SLC25A21: variants seen among roughly 807,000 people sequenced by gnomAD.
SLC25A21 encodes mitochondrial 2-oxodicarboxylate carrier.
SLC25A21 carries 47 observed loss-of-function variants against 43.8 expected under a neutral mutation model. That is an observed-to-expected ratio of 1.07 (90% CI 0.85 to 1.37). The LOEUF is 1.37. Ranked by LOEUF, SLC25A21 falls within the 40% of genes most tolerant of loss-of-function variation. The pLI is 0.00. For missense variants in SLC25A21, 352 were observed against 350.2 expected (o/e 1.00, Z -0.04); for synonymous variants, 131 against 121.3 (o/e 1.08, Z -0.52).
chr14:36,729,683 A>G (rs1170066268), intron 4 of SLC25A21, 117 bp from the exon 5 acceptor site: 3 of 781,884 alleles, frequency 3.8e-6, no homozygotes, highest in Non-Finnish European at 6.1e-6. Flanking sequence ...AAAATGATAA[A>G]CTATCTAATA....
chr14:37,146,428 G>A (rs12879089), intron 1 of SLC25A21, among the ~76,000 whole-genome samples: 42,984 of 151,938 alleles, frequency 0.28, 6,349 homozygotes, highest in Non-Finnish European at 0.32. Context: ...TGTATTTTTA[G>A]TAGAAACAGA....
intron 1 of SLC25A21, among the ~76,000 whole-genome samples, chr14:36,971,317 C>T (rs781470226): frequency 2.0e-5 from 3 of 152,116 alleles, no homozygotes; most frequent in Non-Finnish European, 4.4e-5. Context: ...CAGGTGAATG[C>T]CAGCAGTTGT....
chr14:36,915,163 T>C (rs1891796849), intron 1 of SLC25A21, among the ~76,000 whole-genome samples: 1 of 152,160 alleles, frequency 6.6e-6, no homozygotes, highest in East Asian at 1.9e-4. Context: ...ACAGCGGTAC[T>C]ATTTTGTGTT....
chr14:36,972,749 G>C (rs1959780104), intron 1 of SLC25A21, among the ~76,000 whole-genome samples: 1 of 152,292 alleles, frequency 6.6e-6, no homozygotes, highest in South Asian at 2.1e-4. Context: ...GGAGTATATA[G>C]GGTATAGAGA....
Position 37,081,571 on chromosome 14 carries a change from G to A in SLC25A21, c.70+90710C>T, listed in dbSNP as rs1254831705. On this transcript the variant is annotated intron_variant, in intron 1 of 9. Transcript: ENST00000331299. ...TTCTGATTGGTTAATTTATAACTAA[G>A]GCCCACAAACAAAGAGGGAAATACT... Among the ~76,000 whole-genome samples the A allele has an allele frequency of 2.6e-5, 4 of 152,150 alleles. No individual in the cohort carries two copies. In the East Asian group the frequency reaches 7.7e-4, roughly 29 times the overall value.
chr14:36,760,619 CTGTTCTGAAACAAA>C (rs1315658364), intron 3 of SLC25A21, among the ~76,000 whole-genome samples: 2 of 152,224 alleles, frequency 1.3e-5, no homozygotes, highest in Non-Finnish European at 2.9e-5. Context: ...CAAGATTTTT[CTGTTCTGAAACAAA>C]TGGTTTAGTC....
Position 36,729,626 on chromosome 14 carries a change from T to A in SLC25A21, c.271-60A>T, listed in dbSNP as rs765725183. 866 of 1,364,570 alleles carry A rather than the reference T, an allele frequency of 6.3e-4. 3 individuals are homozygous for A. The highest frequency in any genetic ancestry group is 7.8e-4 in the Non-Finnish European group (770 of 983,136). The allele number at this position is 1,364,570 out of a possible 1,614,324, so 84.5% of individuals were successfully genotyped here. A position where few individuals can be genotyped will look rare whatever the true frequency, so the allele number is the denominator to read the frequency against. On this transcript the variant is annotated intron_variant, in intron 4 of 9. Coordinates refer to ENST00000331299, the MANE Select transcript of SLC25A21 (RefSeq NM_030631.4). ...AATTTTCCTGCAACAAACTCTTTAA[T>A]TGACTCAAATTTCTTTGGTAAATCA...
chr14:36,793,843 T>C (rs1303848741), intron 3 of SLC25A21, among the ~76,000 whole-genome samples: 1 of 151,976 alleles, frequency 6.6e-6, no homozygotes, highest in East Asian at 1.9e-4. Context: ...GGCTTGGTTC[T>C]TTTTATACAA....
chr14:37,072,036 G>A (rs1962183074), intron 1 of SLC25A21, among the ~76,000 whole-genome samples: 2 of 151,866 alleles, frequency 1.3e-5, no homozygotes, highest in Non-Finnish European at 2.9e-5. Flanking sequence ...ACAAAAATTA[G>A]CTGGGCATGG....
chr14:36,988,750 C>T (rs1960200081), intron 1 of SLC25A21, among the ~76,000 whole-genome samples: 1 of 152,106 alleles, frequency 6.6e-6, no homozygotes, highest in Non-Finnish European at 1.5e-5. Context: ...TGATTCATGG[C>T]CACAGTTTAC....
intron 1 of SLC25A21, among the ~76,000 whole-genome samples, chr14:37,066,800 A>G (rs1956422): frequency 0.48 from 73,253 of 152,024 alleles, 20,518 homozygotes; most frequent in African/African-American, 0.79. Flanking sequence ...AGATAAAGGC[A>G]TAAAATATTG....
At chr14:36,975,972 C>A (rs1959861728) in intron 1 of SLC25A21, among the ~76,000 whole-genome samples, 1 of 152,164 alleles carries the variant, frequency 6.6e-6, no homozygotes, top group African/African-American at 2.4e-5. Context: ...CAGTCGCTTG[C>A]CAGGCAGTGT....
At chr14:37,082,731 C>A (rs6571782) in intron 1 of SLC25A21, among the ~76,000 whole-genome samples, 1 of 152,130 alleles carries the variant, frequency 6.6e-6, no homozygotes, top group African/African-American at 2.4e-5. Flanking sequence ...GGACAAAAGA[C>A]AAATCATTCA....
chr14:36,785,730 G>C (rs1887225925), intron 3 of SLC25A21, among the ~76,000 whole-genome samples: 1 of 152,166 alleles, frequency 6.6e-6, no homozygotes, highest in Non-Finnish European at 1.5e-5. Flanking sequence ...CATTCAGGGG[G>C]CCAGATGTAG....
chr14:37,129,336 G>A (rs1417127768), intron 1 of SLC25A21, among the ~76,000 whole-genome samples: 1 of 152,150 alleles, frequency 6.6e-6, no homozygotes, highest in Non-Finnish European at 1.5e-5. Context: ...CTAGTTTGGA[G>A]ACGATATTGT....
At chr14:36,741,579 A>G (rs1885265225) in intron 3 of SLC25A21, among the ~76,000 whole-genome samples, 1 of 152,210 alleles carries the variant, frequency 6.6e-6, no homozygotes, top group Non-Finnish European at 1.5e-5. Context: ...AAGTCCAGCA[A>G]CCATCACACT....
At chr14:36,725,508 T>C in intron 6 of SLC25A21, 62 bp downstream of exon 6, 5 of 555,346 alleles carry the variant, frequency 9.0e-6, no homozygotes, top group Non-Finnish European at 1.3e-5. Context: ...AATAAATAAA[T>C]AAATAAATAA....
chr14:36,726,985 G>C (rs958831181), intron 5 of SLC25A21, among the ~76,000 whole-genome samples: 1 of 152,198 alleles, frequency 6.6e-6, no homozygotes, highest in African/African-American at 2.4e-5. Context: ...AGGCACAAAG[G>C]CAGGATCCAG....
rs535573746 is a variant in SLC25A21, at chr14:36,989,352, G to T, written c.71-114348C>A. The stretch of plus-strand genomic sequence containing the variant: ...ATTTCTAAAGTGTAATTCTTATATT[G>T]CCATGAACTTTGGGAAGATGCCCTC... On this transcript the variant is annotated intron_variant, in intron 1 of 9. Coordinates refer to ENST00000331299, the MANE Select transcript of SLC25A21 (RefSeq NM_030631.4). Among the ~76,000 whole-genome samples, 9 of 152,154 alleles carry T rather than the reference G, an allele frequency of 5.9e-5. No homozygotes were observed. In the East Asian group the frequency reaches 1.7e-3, roughly 29 times the overall value.
Sources: allele counts gnomAD v4.1 joint callset (sites outside exome capture counted in the v4.1 genomes callset), GRCh38; gene constraint gnomAD v4.1.1; transcripts MANE v1.5; gene names NCBI Gene and HGNC (gene_info 2026-07-23, HGNC 2026-07-21).